Variants in KAT2A observed in about 807,000 individuals in gnomAD.
KAT2A encodes lysine acetyltransferase 2A.
A neutral mutation model predicts 95.2 loss-of-function variants in KAT2A; 42 were observed. That is an observed-to-expected ratio of 0.44 (90% CI 0.34 to 0.57). KAT2A has a LOEUF of 0.57. Among genes scored for constraint, KAT2A ranks in the 20% least tolerant of loss-of-function variants. The pLI, the probability that KAT2A is intolerant of heterozygous loss-of-function variation, is 0.01. For missense variants in KAT2A, 784 were observed against 1,126.3 expected (o/e 0.70, Z 4.35); for synonymous variants, 449 against 448.2 (o/e 1.00, Z -0.02).
intron 6 of KAT2A, among the ~76,000 whole-genome samples, chr17:42,118,747 C>T (rs1228305461): frequency 1.3e-5 from 2 of 152,216 alleles, no homozygotes; most frequent in African/African-American, 4.8e-5. Context: ...CTCCACCCCA[C>T]CTTGCCATCT....
Position 42,121,011 on chromosome 17 carries a change from C to T in KAT2A, c.294G>A (p.Pro98=). The change falls in exon 1 of 18, where the codon CCG becomes CCA. Residue 98 remains proline (P), a synonymous_variant. Coordinates refer to ENST00000225916, the MANE Select transcript of KAT2A (RefSeq NM_021078.3). ...SQRKAQVRGL[P]RAKKLEKLGV... Reference sequence around the variant, plus strand: ...CTAGCTTCTCAAGCTTCTTGGCGCGCGGCAGCCCCCGGACTTGCGCCTTCC... The same window carrying T: ...CTAGCTTCTCAAGCTTCTTGGCGCGTGGCAGCCCCCGGACTTGCGCCTTCC... 1 of 1,593,860 alleles carries T rather than the reference C, an allele frequency of 6.3e-7. No homozygotes were observed. The highest frequency in any genetic ancestry group is 1.7e-5 in the Admixed American group (1 of 58,232).
At chr17:42,115,659 G>A in intron 12 of KAT2A, 64 bp downstream of exon 12, 1 of 1,011,496 alleles carries the variant, frequency 9.9e-7, no homozygotes, top group Non-Finnish European at 1.6e-6. Flanking sequence ...ATCCACAGAG[G>A]GGCTGGACAG....
chr17:42,113,394 T>A lies in KAT2A; in HGVS notation c.*255A>T, dbSNP rs1598225965. 2.5e-6 allele frequency: 1 copy of A among 393,326 alleles called. No homozygotes were observed. The highest frequency in any genetic ancestry group is 2.1e-5 in the African/African-American group (1 of 47,026). 24.4% of individuals were successfully genotyped at this position (393,326 alleles called of 1,614,324 possible). On this transcript the variant is annotated 3_prime_UTR_variant, in exon 18 of 18. Coordinates refer to ENST00000225916, the MANE Select transcript of KAT2A (RefSeq NM_021078.3). ...GGCCACCACGGCTGGGCAAGGTTCATCCCTGGCCACCAGCTACTCTAGAGG... is the reference window on the plus strand; with the variant it reads ...GGCCACCACGGCTGGGCAAGGTTCAACCCTGGCCACCAGCTACTCTAGAGG...
intron 11 of KAT2A, 42 bp downstream of exon 11, chr17:42,116,993 G>C: frequency 6.2e-7 from 1 of 1,610,160 alleles, no homozygotes; most frequent in Admixed American, 1.7e-5. Context: ...AAACTCAGGA[G>C]TGGGCCGTGG....
Position 42,118,012 on chromosome 17 carries a change from C to A in KAT2A, c.1186G>T (p.Val396Phe), listed in dbSNP as rs1555666442. The A allele has an allele frequency of 6.9e-7, 1 of 1,450,886 alleles. No individual in the cohort carries two copies. Among genetic ancestry groups the A allele is most frequent in the Non-Finnish European group, 9.3e-7 (1 of 1,075,904 alleles). The allele number at this position is 1,450,886 out of a possible 1,614,324, so 89.9% of individuals were successfully genotyped here. Residue 396 changes from valine (V) to phenylalanine (F), a missense_variant, in exon 8 of 18, where the codon GTC becomes TTC. This residue lies in a region of KAT2A where 63 missense variants were observed against 70.1 expected (regional missense o/e 0.90). Coordinates refer to ENST00000225916, the MANE Select transcript of KAT2A (RefSeq NM_021078.3). ...GTQLVPRPAS[V>F]SAAVVPSTPI... ...GTGCTGGGAACAACCGCTGCACTGA[C>A]TGAAGCTGAGGAGAGAGAGAGACGT...
rs781977331 is a variant in KAT2A, at chr17:42,114,290, G to A, written c.2172-8C>T. On this transcript the variant is annotated splice_polypyrimidine_tract_variant and splice_region_variant and intron_variant, in intron 15 of 17. Coordinates refer to ENST00000225916, the MANE Select transcript of KAT2A (RefSeq NM_021078.3). This position sits in a 1 kb window ranked among gnomAD's most constrained non-coding sequence, Gnocchi z 6.0. ...GGGTCCTTCAGCTCCTTCCTGGGGC[G>A]AGAGACACCAAGTCTGAGGCTCCAA... 9.3e-6 allele frequency: 15 copies of A among 1,612,518 alleles called. No individual in the cohort carries two copies. Among genetic ancestry groups the A allele is most frequent in the South Asian group, 3.3e-5 (3 of 90,992 alleles).
At position 42,119,007 on chromosome 17, in the gene KAT2A, C is replaced by G; in HGVS notation, c.1073+238G>C. 1 of 1,342,626 alleles carries G rather than the reference C, an allele frequency of 7.4e-7. No homozygotes were observed. The highest frequency in any genetic ancestry group is 9.5e-7 in the Non-Finnish European group (1 of 1,048,744). The allele number at this position is 1,342,626 out of a possible 1,614,324, so 83.2% of individuals were successfully genotyped here. A position where few individuals can be genotyped will look rare whatever the true frequency, so the allele number is the denominator to read the frequency against. On this transcript the variant is annotated intron_variant, in intron 6 of 17. Coordinates refer to ENST00000225916, the MANE Select transcript of KAT2A (RefSeq NM_021078.3). This position sits in a 1 kb window ranked among gnomAD's most constrained non-coding sequence, Gnocchi z 5.3. ...CATGGGAAACAATTAGTAACATCTA[C>G]TGGGGCGTAGGGTCGGGTGGGGGCA...
At position 42,118,921 on chromosome 17, in the gene KAT2A, T is replaced by C. The variant is rs1418854571; in HGVS notation, c.1073+324A>G. On this transcript the variant is annotated intron_variant, in intron 6 of 17. Transcript: ENST00000225916. ...AGTAGAAATTGGTTTCACTTCAAGC[T>C]TAAGGTCTGGTTTCTTGGAGAGTTG... 1.0e-5 allele frequency: 8 copies of C among 763,934 alleles called. 1 individual carries two copies. In the East Asian group the frequency reaches 4.0e-4, roughly 38 times the overall value. The allele number at this position is 763,934 out of a possible 1,614,324, so 47.3% of individuals were successfully genotyped here.
At position 42,119,352 on chromosome 17, in the gene KAT2A, G is replaced by C. The variant is rs776629211; in HGVS notation, c.966C>G (p.Leu322=). The C allele has an allele frequency of 1.4e-5, 22 of 1,614,004 alleles. No individual in the cohort carries two copies. Among genetic ancestry groups the C allele is most frequent in the Non-Finnish European group, 1.9e-5 (22 of 1,180,002 alleles). ...ETTHVFGRSL[L]RSIFTVTRRQ... is the part of the protein sequence containing the mutation. ...GGCGGGTAACGGTGAAAATGGACCG[G>C]AGAAGGCTTCGCCCAAAGACATGAG... Residue 322 remains leucine (L), a synonymous_variant, in exon 6 of 18, where the codon CTC becomes CTG. Coordinates refer to ENST00000225916, the MANE Select transcript of KAT2A (RefSeq NM_021078.3). This position sits in a 1 kb window ranked among gnomAD's most constrained non-coding sequence, Gnocchi z 5.3.
At chr17:42,120,579 C>G (rs1049131096) in intron 2 of KAT2A, 127 bp downstream of exon 2, 6 of 1,310,898 alleles carry the variant, frequency 4.6e-6, no homozygotes, top group South Asian at 1.3e-5. Context: ...TGCACACCCC[C>G]CCCCAACCCA....
intron 3 of KAT2A, 32 bp from the exon 4 acceptor site, chr17:42,120,151 AG>A (rs1292839993): frequency 1.3e-5 from 21 of 1,612,588 alleles, no homozygotes; most frequent in South Asian, 2.2e-5. Context: ...CATAGAGGGG[AG>A]GGGGGCAGAG....
At chr17:42,116,115 T>C (rs1187658820) in intron 11 of KAT2A, among the ~76,000 whole-genome samples, 1 of 152,154 alleles carries the variant, frequency 6.6e-6, no homozygotes, top group Non-Finnish European at 1.5e-5. Context: ...ACCTTTATTT[T>C]ACAGAAGAGA....
Position 42,119,303 on chromosome 17 carries a change from C to T in KAT2A, c.1015G>A (p.Val339Met). 6.2e-7 allele frequency: 1 copy of T among 1,614,080 alleles called. No homozygotes were observed. The highest frequency in any genetic ancestry group is 1.1e-5 in the South Asian group (1 of 91,084). ...TCGGGCACCAATTTGTCCTTCTCCA[C>T]TCGGAACTTTTCCAGCAGCTGCCGG... ...TRRQLLEKFR[V>M]EKDKLVPEKR... is the part of the protein sequence containing the mutation. Residue 339 changes from valine to methionine, a missense_variant, in exon 6 of 18, where the codon GTG becomes ATG. Coordinates refer to ENST00000225916, the MANE Select transcript of KAT2A (RefSeq NM_021078.3). The surrounding 1 kb of genome is among the most constrained non-coding windows in gnomAD (Gnocchi z 5.3).
In KAT2A at chr17:42,119,803, TG is replaced by T; in HGVS notation, c.700-86del. The T allele has an allele frequency of 8.1e-7, 1 of 1,232,644 alleles. No homozygotes were observed. Among genetic ancestry groups the T allele is most frequent in the Non-Finnish European group, 1.1e-6 (1 of 884,830 alleles). The allele number at this position is 1,232,644 out of a possible 1,614,324, so 76.4% of individuals were successfully genotyped here. ...TTCTTAGACAAAGGAAGATGCTCCC[TG>T]GCCAGGGACAAGGTTCTCCTTCTCC... On this transcript the variant is annotated intron_variant, in intron 4 of 17. Transcript: ENST00000225916. The surrounding 1 kb of genome is among the most constrained non-coding windows in gnomAD (Gnocchi z 5.3).
Position 42,114,321 on chromosome 17 carries a change from T to C in KAT2A, c.2171+37A>G. On this transcript the variant is annotated intron_variant, in intron 15 of 17. Coordinates refer to ENST00000225916, the MANE Select transcript of KAT2A (RefSeq NM_021078.3). The surrounding 1 kb of genome is among the most constrained non-coding windows in gnomAD (Gnocchi z 6.0). ...CACCAAGTCTGAGGCTCCAAGTCCCTCTGCCCCACCCCCAACCCGGCTCCT... is the reference window on the plus strand; with the variant it reads ...CACCAAGTCTGAGGCTCCAAGTCCCCCTGCCCCACCCCCAACCCGGCTCCT... 2 of 1,613,758 alleles carry C rather than the reference T, an allele frequency of 1.2e-6. No individual in the cohort carries two copies. The highest frequency in any genetic ancestry group is 1.7e-6 in the Non-Finnish European group (2 of 1,179,804).
In KAT2A at chr17:42,117,329, C is replaced by T; in HGVS notation, c.1637+59G>A. 1 of 1,584,642 alleles carries T rather than the reference C, an allele frequency of 6.3e-7. No individual in the cohort carries two copies. Among genetic ancestry groups the T allele is most frequent in the Non-Finnish European group, 8.6e-7 (1 of 1,156,978 alleles). ...TCCCCAATTTTGAGGAGTGAAGAGGCCGAGGAGGAAGGGAACTGGGTGTGC... is the reference window on the plus strand; with the variant it reads ...TCCCCAATTTTGAGGAGTGAAGAGGTCGAGGAGGAAGGGAACTGGGTGTGC... On this transcript the variant is annotated intron_variant, in intron 10 of 17. Transcript: ENST00000225916. This position sits in a 1 kb window ranked among gnomAD's most constrained non-coding sequence, Gnocchi z 8.9.
In KAT2A at chr17:42,114,533, C is replaced by T. The variant is rs2054225201; in HGVS notation, c.2091G>A (p.Lys697=). Residue 697 remains lysine (K), a synonymous_variant, in exon 14 of 18, where the codon AAG becomes AAA. Coordinates refer to ENST00000225916, the MANE Select transcript of KAT2A (RefSeq NM_021078.3). This position sits in a 1 kb window ranked among gnomAD's most constrained non-coding sequence, Gnocchi z 6.0. ...CCACAGGGATCTGCCTCACGCCCTC[C>T]TTGAAGCAGCTGAGCCCCGGGTAGA... ...RKVYPGLSCF[K]EGVRQIPVES... 1 of 1,614,012 alleles carries T rather than the reference C, an allele frequency of 6.2e-7. No individual in the cohort carries two copies. The highest frequency in any genetic ancestry group is 1.1e-5 in the South Asian group (1 of 91,092).
rs577725633 is a variant in KAT2A at position 42,117,537 on chromosome 17, G to A, written c.1488C>T (p.Arg496=). ...RDETARLEER[R]GIIEFHVIGN... ...CGATGACATGGAACTCGATGATGCCGCGGCGCTCCTCCAGGCGGGCTGTCT... is the reference window on the plus strand; with the variant it reads ...CGATGACATGGAACTCGATGATGCCACGGCGCTCCTCCAGGCGGGCTGTCT... Residue 496 remains arginine, a synonymous_variant, in exon 10 of 18, where the codon CGC becomes CGT. Transcript: ENST00000225916. The surrounding 1 kb of genome is among the most constrained non-coding windows in gnomAD (Gnocchi z 8.9). 2.3e-5 allele frequency: 37 copies of A among 1,613,492 alleles called. No homozygotes were observed. Among genetic ancestry groups the A allele is most frequent in the African/African-American group, 2.0e-4 (15 of 75,062 alleles).
chr17:42,113,604 C>T lies in KAT2A; in HGVS notation c.*45G>A, dbSNP rs1555665075. 3 of 1,562,946 alleles carry T rather than the reference C, an allele frequency of 1.9e-6. No homozygotes were observed. The highest frequency in any genetic ancestry group is 2.0e-5 in the Admixed American group (1 of 50,776). ...ACCCCCTAAGGATCAGATCAGAATC[C>T]GAGGTGGAGACATTCCAGGTCAGGG... is the stretch of plus-strand genomic sequence containing the variant. On this transcript the variant is annotated 3_prime_UTR_variant, in exon 18 of 18. Transcript: ENST00000225916.
Sources: gnomAD v4.1 joint callset for allele counts (sites outside exome capture counted in the v4.1 genomes callset) on GRCh38, gnomAD v4.1.1 for gene constraint, gnomAD v4.1.1 regional missense constraint, Gnocchi (gnomAD v3.1) non-coding constraint, MANE v1.5 for transcripts, NCBI Gene and HGNC (gene_info 2026-07-23, HGNC 2026-07-21) for gene names.